MYLK: variants seen among roughly 807,000 people sequenced by gnomAD.
MYLK encodes the protein myosin light chain kinase, smooth muscle.
A neutral mutation model predicts 203.4 loss-of-function variants in MYLK; 106 were observed. The ratio of observed to expected loss-of-function variants is 0.52; its 90% CI spans 0.45 to 0.61. The LOEUF (loss-of-function observed/expected upper bound fraction) is 0.61, where lower values mean the gene tolerates loss of function less well. Among genes scored for constraint, MYLK ranks in the 20% least tolerant of loss-of-function variants. MYLK has a pLI of 0.00. For synonymous variants in MYLK, 867 were observed against 959.5 expected, an observed-to-expected ratio of 0.90 and a Z score of 1.78; for missense variants, 2,072 against 2,442.3, an observed-to-expected ratio of 0.85 and a Z score of 3.20.
At chr3:123,757,583 G>T (rs73201807) in intron 4 of MYLK, among the ~76,000 whole-genome samples, 8,946 of 152,284 alleles carry the variant, frequency 0.059, 377 homozygotes, top group Middle Eastern at 0.092. Flanking sequence ...AAAACAGACT[G>T]CCCAGCAGGA....
chr3:123,672,598 T>C (rs961130065), intron 20 of MYLK, among the ~76,000 whole-genome samples: 3 of 152,194 alleles, frequency 2.0e-5, no homozygotes, highest in Non-Finnish European at 4.4e-5. Flanking sequence ...TCCTGCCCCA[T>C]ACTTGGTGGC....
rs557072919 is a variant in MYLK, at chr3:123,737,364, C to T, written c.754+14G>A. 1 of 1,614,108 alleles carries T rather than the reference C, an allele frequency of 6.2e-7. No homozygotes were observed. ...GCAGGGATCGTTCTGCACTAGCCGT[C>T]CACTGGTCGATACCTTGGATGGAAA... On this transcript the variant is annotated intron_variant, in intron 8 of 33. Coordinates refer to ENST00000360304, the MANE Select transcript of MYLK (RefSeq NM_053025.4).
intron 2 of MYLK, among the ~76,000 whole-genome samples, chr3:123,866,917 T>C (rs1400789296): frequency 6.6e-6 from 1 of 152,168 alleles, no homozygotes; most frequent in Non-Finnish European, 1.5e-5. Flanking sequence ...AGCCTGAGAC[T>C]TAACCTGAGA....
chr3:123,613,913 A>G lies in MYLK; in HGVS notation c.*192T>C. On this transcript the variant is annotated 3_prime_UTR_variant, in exon 34 of 34. Transcript: ENST00000360304. The stretch of plus-strand genomic sequence containing the variant: ...CACTAGTATCTTAAGGTGCCAACTA[A>G]CATAGATTAATGCCCATCAATAACG... 1 of 647,638 alleles carries G rather than the reference A, an allele frequency of 1.5e-6. No individual in the cohort carries two copies. The highest frequency in any genetic ancestry group is 2.7e-5 in the East Asian group (1 of 36,648). The allele number at this position is 647,638 out of a possible 1,614,324, so 40.1% of individuals were successfully genotyped here.
At chr3:123,638,003 G>T (rs1227020648) in intron 29 of MYLK, 68 bp downstream of exon 29, 11 of 1,608,408 alleles carry the variant, frequency 6.8e-6, no homozygotes, top group African/African-American at 1.3e-5. Context: ...CCCTCCTGTG[G>T]AACCCTCAGC....
chr3:123,664,273 T>C lies in MYLK; in HGVS notation c.3832-15A>G. 1 of 1,614,118 alleles carries C rather than the reference T, an allele frequency of 6.2e-7. No individual in the cohort carries two copies. The highest frequency in any genetic ancestry group is 8.5e-7 in the Non-Finnish European group (1 of 1,180,006). On this transcript the variant is annotated splice_polypyrimidine_tract_variant and intron_variant, in intron 22 of 33. Coordinates refer to ENST00000360304, the MANE Select transcript of MYLK (RefSeq NM_053025.4). ...CTTTCCTGGATCTAGGGGCGGAGGA[T>C]GGAGCAGGTGCTGGAGCCTTGGGCC... is the stretch of plus-strand genomic sequence containing the variant.
At position 123,614,044 on chromosome 3, in the gene MYLK, T is replaced by G; in HGVS notation, c.*61A>C. On this transcript the variant is annotated 3_prime_UTR_variant, in exon 34 of 34. Coordinates refer to ENST00000360304, the MANE Select transcript of MYLK (RefSeq NM_053025.4). Reference sequence around the variant, plus strand: ...CTATCTTGAGTTTTTTTTTTTTTTTTGAGTTTTAGAGAAATAGTCCTTTTA... The same window carrying G: ...CTATCTTGAGTTTTTTTTTTTTTTTGGAGTTTTAGAGAAATAGTCCTTTTA... 1.9e-6 allele frequency: 3 copies of G among 1,548,688 alleles called. No individual in the cohort carries two copies. Among genetic ancestry groups the G allele is most frequent in the Non-Finnish European group, 2.6e-6 (3 of 1,145,158 alleles).
At chr3:123,666,882 T>A in intron 21 of MYLK, 1 of 605,822 alleles carries the variant, frequency 1.7e-6, no homozygotes, top group Non-Finnish European at 2.9e-6. Context: ...GAGCTGCTAG[T>A]CCTGTATGAT....
At chr3:123,735,080 G>T (rs1048659266) in intron 9 of MYLK, 2 of 395,402 alleles carry the variant, frequency 5.1e-6, no homozygotes, top group South Asian at 2.2e-5. Flanking sequence ...AACAGATTCC[G>T]CCCTGGAATG....
At chr3:123,633,943 G>C (rs1253318060) in intron 29 of MYLK, among the ~76,000 whole-genome samples, 1 of 152,096 alleles carries the variant, frequency 6.6e-6, no homozygotes, top group Non-Finnish European at 1.5e-5. Context: ...ATAGCCTCCT[G>C]AGTAGCTGGG....
intron 19 of MYLK, among the ~76,000 whole-genome samples, chr3:123,684,785 G>A (rs960175825): frequency 7.2e-5 from 11 of 152,178 alleles, no homozygotes; most frequent in African/African-American, 2.7e-4. Flanking sequence ...ATCTGCCTGC[G>A]TCAGCCTCCC....
chr3:123,792,064 C>T lies in MYLK; in HGVS notation c.165+1613G>A, dbSNP rs375647963. On this transcript the variant is annotated intron_variant, in intron 4 of 33. Coordinates refer to ENST00000360304, the MANE Select transcript of MYLK (RefSeq NM_053025.4). The stretch of plus-strand genomic sequence containing the variant: ...GCAACAAAGAACTCCAGTGTGTTGG[C>T]TCCTGGCCAGTGCTCAGCAGATGCA... Among the ~76,000 whole-genome samples, 4 of 152,332 alleles carry T rather than the reference C, an allele frequency of 2.6e-5. No individual in the cohort carries two copies. In the South Asian group the frequency reaches 8.3e-4, roughly 32 times the overall value.
chr3:123,808,737 T>C (rs895546409), intron 3 of MYLK, among the ~76,000 whole-genome samples: 8 of 152,208 alleles, frequency 5.3e-5, no homozygotes, highest in African/African-American at 1.9e-4. Flanking sequence ...AACCCATTTA[T>C]TGAATGCTTA....
intron 2 of MYLK, among the ~76,000 whole-genome samples, chr3:123,848,154 T>C (rs562034989): frequency 6.6e-6 from 1 of 151,958 alleles, no homozygotes; most frequent in Non-Finnish European, 1.5e-5. Context: ...AATTTTAACA[T>C]AAAAATTTTC....
intron 24 of MYLK, among the ~76,000 whole-genome samples, chr3:123,656,691 C>T (rs2059397894): frequency 6.6e-6 from 1 of 152,078 alleles, no homozygotes; most frequent in African/African-American, 2.4e-5. Flanking sequence ...GGATGCATCC[C>T]TTCTCATTAT....
rs188679513 is a variant in MYLK, at chr3:123,713,244, C to T, written c.1805-3351G>A. ...AATGATTGGGAGTGAATGTTCAGAACGAGCCTGTTCTCAGACCGGCAAGGT... is the reference window on the plus strand; with the variant it reads ...AATGATTGGGAGTGAATGTTCAGAATGAGCCTGTTCTCAGACCGGCAAGGT... On this transcript the variant is annotated intron_variant, in intron 13 of 33. Coordinates refer to ENST00000360304, the MANE Select transcript of MYLK (RefSeq NM_053025.4). 7.4e-4 allele frequency among the ~76,000 whole-genome samples: 113 copies of T among 152,240 alleles called. 1 individual carries two copies. The highest frequency in any genetic ancestry group is 2.5e-3 in the African/African-American group (103 of 41,520).
chr3:123,703,891 C>G (rs2061348108), intron 16 of MYLK, among the ~76,000 whole-genome samples: 1 of 152,256 alleles, frequency 6.6e-6, no homozygotes, highest in South Asian at 2.1e-4. Context: ...ATGCAAACAT[C>G]AGGAGCAGAC....
intron 1 of MYLK, among the ~76,000 whole-genome samples, 167 bp from the exon 2 acceptor site, chr3:123,876,784 TC>T (rs993400493): frequency 9.2e-5 from 14 of 152,254 alleles, no homozygotes; most frequent in African/African-American, 3.4e-4. Context: ...CAAACAAGGT[TC>T]CCAAAGAGAT....
intron 4 of MYLK, among the ~76,000 whole-genome samples, chr3:123,768,331 C>G (rs2063769278): frequency 1.3e-5 from 2 of 152,208 alleles, no homozygotes; most frequent in South Asian, 4.1e-4. Flanking sequence ...TTCCCTGGCC[C>G]TCAGCTGTTT....
Sources: allele counts gnomAD v4.1 joint callset (sites outside exome capture counted in the v4.1 genomes callset), GRCh38; gene constraint gnomAD v4.1.1; transcripts MANE v1.5; gene names NCBI Gene and HGNC (gene_info 2026-07-23, HGNC 2026-07-21).